The following SKAP1 variants were observed in gnomAD, a reference collection of about 807,000 sequenced individuals.
The protein encoded by SKAP1 is src kinase associated phosphoprotein 1, also known as src kinase-associated phosphoprotein 1.
Under a neutral mutation model 58.5 loss-of-function variants are expected in SKAP1, and 44 were observed. The ratio of observed to expected loss-of-function variants is 0.75; its 90% CI spans 0.59 to 0.97. The LOEUF (loss-of-function observed/expected upper bound fraction) is 0.97, where lower values mean the gene tolerates loss of function less well. Among genes scored for constraint, SKAP1 ranks in the 50% least tolerant of loss-of-function variants. The pLI is 0.00. For missense variants in SKAP1, 390 were observed against 435.2 expected (o/e 0.90, Z 0.92); for synonymous variants, 127 against 149.7 (o/e 0.85, Z 1.11).
the SKAP1 span, among the ~76,000 whole-genome samples, chr17:48,440,494 T>C: frequency 6.6e-6 from 1 of 152,056 alleles, no homozygotes; most frequent in Non-Finnish European, 1.5e-5. Context: ...GGCGTAAGGG[T>C]CTGACCAAGG....
intron 2 of SKAP1, among the ~76,000 whole-genome samples, chr17:48,382,847 T>C (rs2067233102): frequency 6.6e-6 from 1 of 152,210 alleles, no homozygotes; most frequent in African/African-American, 2.4e-5. Flanking sequence ...TGAATTTGTA[T>C]TTTAAAAAAG....
chr17:48,241,683 A>G (rs192075325), intron 4 of SKAP1, among the ~76,000 whole-genome samples: 291 of 152,332 alleles, frequency 1.9e-3, no homozygotes, highest in Non-Finnish European at 3.4e-3. Context: ...CACCAGCCAA[A>G]GAAACATTCC....
chr17:48,349,637 A>C (rs764531328), intron 3 of SKAP1, among the ~76,000 whole-genome samples: 2 of 152,120 alleles, frequency 1.3e-5, no homozygotes, highest in Non-Finnish European at 2.9e-5. Context: ...TGGGCGTTAG[A>C]TACACTCCTT....
chr17:48,326,140 G>A (rs2066434376), intron 4 of SKAP1, among the ~76,000 whole-genome samples: 1 of 152,054 alleles, frequency 6.6e-6, no homozygotes, highest in Non-Finnish European at 1.5e-5. Context: ...TCCTTCCAGG[G>A]GTGTAAAGCA....
At chr17:48,407,433 C>T (rs2067601253) in intron 1 of SKAP1, among the ~76,000 whole-genome samples, 1 of 152,200 alleles carries the variant, frequency 6.6e-6, no homozygotes, top group Admixed American at 6.5e-5. Context: ...GTGGGAAATT[C>T]CCTTCTCCTC....
chr17:48,396,487 C>G (rs2067419219), intron 2 of SKAP1, among the ~76,000 whole-genome samples, 193 bp downstream of exon 2: 1 of 152,160 alleles, frequency 6.6e-6, no homozygotes, highest in South Asian at 2.1e-4. Flanking sequence ...ACATAATTAT[C>G]AAAACATTTT....
At chr17:48,217,787 G>C (rs2064957964) in intron 4 of SKAP1, among the ~76,000 whole-genome samples, 1 of 152,108 alleles carries the variant, frequency 6.6e-6, no homozygotes, top group African/African-American at 2.4e-5. Context: ...CACCAAAATG[G>C]ATTATCAGAC....
At chr17:48,137,647 A>G (rs1165460510) in intron 11 of SKAP1, among the ~76,000 whole-genome samples, 1 of 152,212 alleles carries the variant, frequency 6.6e-6, no homozygotes, top group Non-Finnish European at 1.5e-5. Context: ...TTGGGCACAC[A>G]TTAAATTGCC....
At chr17:48,134,742 C>A (rs2063678515) in intron 12 of SKAP1, among the ~76,000 whole-genome samples, 1 of 151,216 alleles carries the variant, frequency 6.6e-6, no homozygotes, top group Non-Finnish European at 1.5e-5. Flanking sequence ...GAGTCTCTGT[C>A]ACCCAGGCTA....
At chr17:48,360,274 T>C (rs1485287247) in intron 3 of SKAP1, among the ~76,000 whole-genome samples, 3 of 152,182 alleles carry the variant, frequency 2.0e-5, no homozygotes, top group East Asian at 1.9e-4. Context: ...GATTTTTTTA[T>C]AGCAAATAAA....
intron 9 of SKAP1, 126 bp downstream of exon 9, chr17:48,179,928 C>T: frequency 2.3e-6 from 2 of 864,958 alleles, no homozygotes; most frequent in Non-Finnish European, 3.5e-6. Context: ...AAGCGTCCCA[C>T]ATTATCTCCT....
intron 4 of SKAP1, among the ~76,000 whole-genome samples, chr17:48,325,372 G>A (rs555894878): frequency 1.6e-4 from 24 of 150,468 alleles, no homozygotes; most frequent in African/African-American, 5.6e-4. Flanking sequence ...GCTCTCATAT[G>A]ACCATTTATG....
intron 4 of SKAP1, among the ~76,000 whole-genome samples, chr17:48,274,826 A>T (rs1156905051): frequency 2.0e-5 from 3 of 152,126 alleles, no homozygotes; most frequent in Non-Finnish European, 4.4e-5. Context: ...ATAGGTGTGA[A>T]CCACAGTGCC....
chr17:48,332,406 A>C (rs750758763), intron 4 of SKAP1, among the ~76,000 whole-genome samples: 3 of 152,244 alleles, frequency 2.0e-5, no homozygotes, highest in Non-Finnish European at 2.9e-5. Context: ...AACTTATTAA[A>C]ATATATTTCA....
chr17:48,268,264 T>TAAAAAAAAA (rs758430323), intron 4 of SKAP1, among the ~76,000 whole-genome samples: 1 of 124,258 alleles, frequency 8.0e-6, no homozygotes, highest in African/African-American at 3.0e-5. Context: ...AAAGACTACT[T>TAAAAAAAAA]AAAAAAAAAA....
At chr17:48,343,011 A>G (rs2066677035) in intron 4 of SKAP1, among the ~76,000 whole-genome samples, 1 of 152,132 alleles carries the variant, frequency 6.6e-6, no homozygotes, top group Non-Finnish European at 1.5e-5. Context: ...AAAAATAAAG[A>G]GGAATATTTT....
At chr17:48,332,723 A>C (rs2066521556) in intron 4 of SKAP1, among the ~76,000 whole-genome samples, 1 of 152,204 alleles carries the variant, frequency 6.6e-6, no homozygotes, top group South Asian at 2.1e-4. Context: ...ATGAGCGCTG[A>C]AAGAATTGAG....
the SKAP1 span, among the ~76,000 whole-genome samples, chr17:48,442,170 G>C: frequency 1.3e-5 from 2 of 152,144 alleles, no homozygotes; most frequent in Non-Finnish European, 2.9e-5. Flanking sequence ...CCAGTAGTTG[G>C]TAGGCCCAAC....
At chr17:48,391,738 T>G (rs2067347980) in intron 2 of SKAP1, among the ~76,000 whole-genome samples, 1 of 151,804 alleles carries the variant, frequency 6.6e-6, no homozygotes, top group Admixed American at 6.6e-5. Context: ...CTTTTGAGCC[T>G]TTTCAGAGCT....
Sources: gnomAD v4.1 joint callset for allele counts (sites outside exome capture counted in the v4.1 genomes callset) on GRCh38, gnomAD v4.1.1 for gene constraint, MANE v1.5 for transcripts, NCBI Gene and HGNC (gene_info 2026-07-23, HGNC 2026-07-21) for gene names.